The following WASF3 variants were observed in gnomAD, a reference collection of about 807,000 sequenced individuals.
WASF3 encodes the protein WASP family member 3.
WASF3 carries 11 observed loss-of-function variants against 46.6 expected under a neutral mutation model. The ratio of observed to expected loss-of-function variants is 0.24; its 90% CI spans 0.15 to 0.39. The LOEUF (loss-of-function observed/expected upper bound fraction) is 0.39, where lower values mean the gene tolerates loss of function less well. WASF3 is among the 10% of genes least tolerant of loss of function. The pLI is 1.00. For missense variants in WASF3, 576 were observed against 669.8 expected, an observed-to-expected ratio of 0.86 and a Z score of 1.55; for synonymous variants, 242 against 259.7, an observed-to-expected ratio of 0.93 and a Z score of 0.65.
At chr13:26,638,927 G>A (rs1417585890) in intron 2 of WASF3, among the ~76,000 whole-genome samples, 2 of 152,126 alleles carry the variant, frequency 1.3e-5, no homozygotes, top group African/African-American at 2.4e-5. Context: ...AAAAGAGTCT[G>A]GCTTCCTTGG....
intron 1 of WASF3, among the ~76,000 whole-genome samples, chr13:26,564,608 C>G (rs752196011): frequency 6.6e-6 from 1 of 152,146 alleles, no homozygotes; most frequent in Admixed American, 6.5e-5. Flanking sequence ...TGAGAAGCTC[C>G]GTGAAATTAT....
At chr13:26,588,008 C>T (rs933666873) in intron 1 of WASF3, among the ~76,000 whole-genome samples, 4 of 152,140 alleles carry the variant, frequency 2.6e-5, no homozygotes, top group African/African-American at 9.7e-5. Context: ...TTACCAGCAA[C>T]TCCATAATCC....
chr13:26,599,858 TC>T (rs1477853488), intron 1 of WASF3, among the ~76,000 whole-genome samples: 7 of 152,190 alleles, frequency 4.6e-5, no homozygotes. Context: ...GTTACAGTCA[TC>T]CCATGGGATT....
At chr13:26,662,896 CA>C (rs1882672398) in intron 3 of WASF3, among the ~76,000 whole-genome samples, 1 of 152,062 alleles carries the variant, frequency 6.6e-6, no homozygotes, top group Non-Finnish European at 1.5e-5. Flanking sequence ...CATACACATA[CA>C]CATACTTATT....
chr13:26,558,607 C>A (rs962249611), intron 1 of WASF3, among the ~76,000 whole-genome samples: 3 of 152,182 alleles, frequency 2.0e-5, no homozygotes, highest in African/African-American at 7.2e-5. Context: ...GATTTGGCCC[C>A]TCTGCAAGGG....
upstream of WASF3, among the ~76,000 whole-genome samples, chr13:26,554,683 A>G (rs1226736611): frequency 6.6e-6 from 1 of 152,196 alleles, no homozygotes; most frequent in Non-Finnish European, 1.5e-5. Flanking sequence ...ATTTAGCTAT[A>G]TGCATTTAAG....
intron 2 of WASF3, among the ~76,000 whole-genome samples, chr13:26,615,292 T>C (rs1881097390): frequency 6.6e-6 from 1 of 152,078 alleles, no homozygotes; most frequent in South Asian, 2.1e-4. Flanking sequence ...ACAGATTTGT[T>C]TTTTTTGGTT....
chr13:26,619,882 T>C (rs919245195), intron 2 of WASF3, among the ~76,000 whole-genome samples: 8 of 152,098 alleles, frequency 5.3e-5, no homozygotes, highest in African/African-American at 1.9e-4. Flanking sequence ...CAAGGATTAC[T>C]TGAATACCAA....
chr13:26,599,580 T>C lies in WASF3; in HGVS notation c.-108-13381T>C, dbSNP rs1469454208. On this transcript the variant is annotated intron_variant, in intron 1 of 9. Transcript: ENST00000335327. ...ATGCAGATTTGCTGTGTTTTGGGGC[T>C]CCTGGAGATTCTAATCTATCATTTC... 2.6e-5 allele frequency among the ~76,000 whole-genome samples: 4 copies of C among 152,186 alleles called. No individual in the cohort carries two copies. The East Asian group carries it at 7.7e-4, about 29-fold the overall frequency.
chr13:26,661,324 T>G (rs1329034222), intron 3 of WASF3, among the ~76,000 whole-genome samples: 1 of 152,228 alleles, frequency 6.6e-6, no homozygotes, highest in East Asian at 1.9e-4. Context: ...CCTGTCTCTA[T>G]GAAATGGACT....
At chr13:26,675,996 A>T (rs534976212) in intron 6 of WASF3, among the ~76,000 whole-genome samples, 1 of 152,324 alleles carries the variant, frequency 6.6e-6, no homozygotes, top group South Asian at 2.1e-4. Flanking sequence ...CTGGCCAAGT[A>T]GGGCTAGAGG....
rs200299739 is a variant in WASF3 at position 26,578,993 on chromosome 13, C to CTTTTTTTTTTTTTT, written c.-109+21184_-109+21197dup. Among the ~76,000 whole-genome samples the CTTTTTTTTTTTTTT allele has an allele frequency of 6.8e-3, 413 of 60,582 alleles. 68 individuals carry two copies. The highest frequency in any genetic ancestry group is 7.9e-3 in the Non-Finnish European group (282 of 35,504). 39.7% of individuals were successfully genotyped at this position (60,582 alleles called of 152,430 possible). A position where few individuals can be genotyped will look rare whatever the true frequency, so the allele number is the denominator to read the frequency against. ...ACCTTATATTCTTGGGATACATTTC[C>CTTTTTTTTTTTTTT]TTTTTTTTTTTTTTTTTTTTTTTGT... On this transcript the variant is annotated intron_variant, in intron 1 of 9. Coordinates refer to ENST00000335327, the MANE Select transcript of WASF3 (RefSeq NM_006646.6).
At chr13:26,592,570 CTCT>C (rs1221506511) in intron 1 of WASF3, among the ~76,000 whole-genome samples, 1 of 138,370 alleles carries the variant, frequency 7.2e-6, no homozygotes, top group Non-Finnish European at 1.5e-5. Context: ...AGTTTGGTGT[CTCT>C]TCTTCTAAGG....
chr13:26,626,160 A>G (rs1039374675), intron 2 of WASF3: 4 of 152,296 alleles, frequency 2.6e-5, no homozygotes, highest in Non-Finnish European at 5.9e-5. Flanking sequence ...AACTCTGAAT[A>G]CAGCATGGGC....
At chr13:26,652,409 A>G (rs935788334) in intron 3 of WASF3, among the ~76,000 whole-genome samples, 1 of 152,342 alleles carries the variant, frequency 6.6e-6, no homozygotes, top group East Asian at 1.9e-4. Context: ...GGCAAACTCA[A>G]AATCATAGTT....
chr13:26,552,975 A>C (rs2138171371), upstream of WASF3, among the ~76,000 whole-genome samples: 1 of 152,352 alleles, frequency 6.6e-6, no homozygotes, highest in East Asian at 1.9e-4. Flanking sequence ...AGCTGCCTAC[A>C]TTTTGACTTT....
the WASF3 span, among the ~76,000 whole-genome samples, chr13:26,547,433 A>T: frequency 6.7e-6 from 1 of 150,246 alleles, no homozygotes; most frequent in Non-Finnish European, 1.5e-5. Context: ...CACACCCATC[A>T]TATACATCCT....
At chr13:26,676,433 C>T (rs1049137181) in intron 6 of WASF3, 116 bp from the exon 7 acceptor site, 17 of 1,119,216 alleles carry the variant, frequency 1.5e-5, no homozygotes, top group South Asian at 8.1e-5. Flanking sequence ...AATCGAAATG[C>T]GAATGTGTCT....
chr13:26,561,640 A>T (rs968361543), intron 1 of WASF3, among the ~76,000 whole-genome samples: 1 of 152,246 alleles, frequency 6.6e-6, no homozygotes, highest in Non-Finnish European at 1.5e-5. Flanking sequence ...AAGGTGCTAC[A>T]GCAAACAGGG....
Sources: allele counts gnomAD v4.1 joint callset (sites outside exome capture counted in the v4.1 genomes callset), GRCh38; gene constraint gnomAD v4.1.1; transcripts MANE v1.5; gene names NCBI Gene and HGNC (gene_info 2026-07-23, HGNC 2026-07-21).